Variants in CCDC122 observed in about 807,000 individuals in gnomAD.
The protein encoded by CCDC122 is coiled-coil domain containing 122, also known as coiled-coil domain-containing protein 122.
CCDC122 carries 38 observed loss-of-function variants against 37.0 expected under a neutral mutation model. That is an observed-to-expected ratio of 1.03 (90% confidence interval 0.79 to 1.35). CCDC122 has a LOEUF of 1.35. Ranked by LOEUF, CCDC122 falls within the 40% of genes most tolerant of loss-of-function variation. The pLI is 0.00. For missense variants in CCDC122, 305 were observed against 310.0 expected (o/e 0.98, Z 0.12); for synonymous variants, 83 against 95.6 (o/e 0.87, Z 0.77).
At chr13:43,869,231 A>G in intron 3 of CCDC122, 100 bp downstream of exon 3, 1 of 874,694 alleles carries the variant, frequency 1.1e-6, no homozygotes, top group Non-Finnish European at 1.9e-6. Flanking sequence ...GCTTCCATCT[A>G]TTCTAATTTG....
chr13:43,869,827 G>A (rs188351049), intron 2 of CCDC122, among the ~76,000 whole-genome samples: 1 of 152,136 alleles, frequency 6.6e-6, no homozygotes, highest in Admixed American at 6.5e-5. Flanking sequence ...TAGATTCTGA[G>A]ACTATAACCA....
intron 6 of CCDC122, among the ~76,000 whole-genome samples, chr13:43,850,681 A>G (rs1215924380): frequency 6.6e-6 from 1 of 152,182 alleles, no homozygotes; most frequent in Non-Finnish European, 1.5e-5. Context: ...GGGGCTTATG[A>G]AACTATAACA....
intron 4 of CCDC122, among the ~76,000 whole-genome samples, chr13:43,865,284 G>A (rs1271897105): frequency 2.6e-5 from 4 of 152,080 alleles, no homozygotes; most frequent in African/African-American, 9.7e-5. Flanking sequence ...GGGTGGCCTG[G>A]GACTTGTGAT....
downstream of CCDC122, among the ~76,000 whole-genome samples, chr13:43,831,383 A>G (rs1472310993): frequency 6.6e-6 from 1 of 152,194 alleles, no homozygotes; most frequent in Non-Finnish European, 1.5e-5. Context: ...TAGGCTTGCT[A>G]TATATTTTTT....
At chr13:43,847,628 T>C (rs1953586558) in intron 6 of CCDC122, among the ~76,000 whole-genome samples, 1 of 152,228 alleles carries the variant, frequency 6.6e-6, no homozygotes, top group Non-Finnish European at 1.5e-5. Flanking sequence ...AGGCATTCAA[T>C]AAATAATAAT....
chr13:43,866,169 T>C (rs1954270661), intron 4 of CCDC122, among the ~76,000 whole-genome samples: 2 of 152,232 alleles, frequency 1.3e-5, no homozygotes, highest in Non-Finnish European at 2.9e-5. Flanking sequence ...ATTTTAAATT[T>C]ACAAATTGTT....
At chr13:43,871,135 C>G (rs1181746773) in intron 2 of CCDC122, among the ~76,000 whole-genome samples, 2 of 152,234 alleles carry the variant, frequency 1.3e-5, no homozygotes, top group African/African-American at 4.8e-5. Flanking sequence ...CAGTTCAAAC[C>G]TGTGTTGTTC....
chr13:43,855,703 AC>A (rs1227526280), intron 6 of CCDC122: 6 of 152,160 alleles, frequency 3.9e-5, no homozygotes, highest in Non-Finnish European at 7.3e-5. Flanking sequence ...AAACAAACAA[AC>A]AAAAAACATG....
At chr13:43,851,186 G>T (rs1037217823) in intron 6 of CCDC122, among the ~76,000 whole-genome samples, 2 of 152,096 alleles carry the variant, frequency 1.3e-5, no homozygotes, top group Admixed American at 6.5e-5. Context: ...TACCCTAAAA[G>T]AATGATTTTA....
chr13:43,835,368 A>C (rs552217589), downstream of CCDC122, among the ~76,000 whole-genome samples: 6 of 152,158 alleles, frequency 3.9e-5, no homozygotes, highest in Non-Finnish European at 7.4e-5. Flanking sequence ...CTAAATGATG[A>C]GTTAATGGGT....
At chr13:43,867,449 A>T (rs970077206) in intron 4 of CCDC122, among the ~76,000 whole-genome samples, 27 of 152,200 alleles carry the variant, frequency 1.8e-4, no homozygotes, top group African/African-American at 5.8e-4. Flanking sequence ...TGTCCTAGAC[A>T]CCTAATCATT....
At chr13:43,823,518 C>T (rs935772603), downstream of CCDC122, among the ~76,000 whole-genome samples, 1 of 152,182 alleles carries the variant, frequency 6.6e-6, no homozygotes, top group Admixed American at 6.5e-5. Context: ...TAGGCGTTGC[C>T]TAGGAATTGC....
At chr13:43,843,143 G>A (rs1666140456) in intron 6 of CCDC122, among the ~76,000 whole-genome samples, 1 of 152,002 alleles carries the variant, frequency 6.6e-6, no homozygotes, top group Non-Finnish European at 1.5e-5. Flanking sequence ...AGTATGATAT[G>A]TTGTTGGCTA....
intron 1 of CCDC122, chr13:43,877,765 T>C (rs1467420522): frequency 6.6e-6 from 1 of 152,218 alleles, no homozygotes; most frequent in East Asian, 1.9e-4. Context: ...TGTTTTTATT[T>C]TTTCAAACTT....
downstream of CCDC122, among the ~76,000 whole-genome samples, chr13:43,823,585 G>T (rs758423463): frequency 1.3e-5 from 2 of 152,186 alleles, no homozygotes; most frequent in Non-Finnish European, 1.5e-5. Context: ...AGCACTTATG[G>T]CCCACAGTGG....
intron 2 of CCDC122, among the ~76,000 whole-genome samples, chr13:43,874,249 T>C (rs1172614318): frequency 6.6e-6 from 1 of 152,176 alleles, no homozygotes; most frequent in Non-Finnish European, 1.5e-5. Flanking sequence ...ACTTATAAAA[T>C]GGGAACAATA....
In CCDC122 at chr13:43,825,631, G is replaced by A. The variant is rs559388199; in HGVS notation, n.602-1620C>T. On this transcript the variant is annotated intron_variant and non_coding_transcript_variant, in intron 3 of 3. Coordinates refer to the CCDC122 transcript ENST00000470137. ...CTAAAAATGTAAATATTAGCTGGGC[G>A]TGGTGGTGTGCGCTTGTAGTCCCAG... Among the ~76,000 whole-genome samples the A allele has an allele frequency of 4.6e-5, 7 of 152,134 alleles. No individual in the cohort carries two copies. The East Asian group carries it at 5.8e-4, about 13-fold the overall frequency.
chr13:43,841,315 T>A (rs960324097), intron 6 of CCDC122, among the ~76,000 whole-genome samples: 1 of 152,234 alleles, frequency 6.6e-6, no homozygotes, highest in Admixed American at 6.5e-5. Flanking sequence ...ACTCTCAAAC[T>A]GTTTTTCCAA....
chr13:43,858,200 T>C (rs1953987199), intron 6 of CCDC122: 1 of 152,174 alleles, frequency 6.6e-6, no homozygotes. Flanking sequence ...CAGGCAAAAA[T>C]TATTTGCCCT....
Sources: allele counts gnomAD v4.1 joint callset (sites outside exome capture counted in the v4.1 genomes callset), GRCh38; gene constraint gnomAD v4.1.1; transcripts MANE v1.5; gene names NCBI Gene and HGNC (gene_info 2026-07-23, HGNC 2026-07-21).